The following SIPA1L2 variants were observed in gnomAD, a reference collection of about 807,000 sequenced individuals.
SIPA1L2 encodes signal-induced proliferation-associated 1-like protein 2.
SIPA1L2 carries 56 observed loss-of-function variants against 163.9 expected under a neutral mutation model. The ratio of observed to expected loss-of-function variants is 0.34; its 90% CI spans 0.28 to 0.43. The LOEUF is 0.43. SIPA1L2 is among the 20% of genes least tolerant of loss of function. SIPA1L2 has a pLI of 1.00. For synonymous variants in SIPA1L2, 877 were observed against 865.7 expected (o/e 1.01, Z -0.23); for missense variants, 1,974 against 2,193.5 (o/e 0.90, Z 2.00).
At chr1:232,438,771 G>C (rs1412830450) in intron 15 of SIPA1L2, among the ~76,000 whole-genome samples, 1 of 152,184 alleles carries the variant, frequency 6.6e-6, no homozygotes. Context: ...CTGAAGATTA[G>C]TGAGTGCCAC....
intron 1 of SIPA1L2, among the ~76,000 whole-genome samples, chr1:232,598,166 C>T (rs1347827079): frequency 6.6e-6 from 1 of 151,454 alleles, no homozygotes; most frequent in East Asian, 2.0e-4. Flanking sequence ...CTTTGGGAGG[C>T]CAAGACAGGA....
At chr1:232,454,012 GTGACAGGGGTAAT>G (rs2102897535) in intron 10 of SIPA1L2, among the ~76,000 whole-genome samples, 1 of 152,086 alleles carries the variant, frequency 6.6e-6, no homozygotes, top group South Asian at 2.1e-4. Context: ...ATCCAACAAG[GTGACAGGGGTAAT>G]TGATGCTCAT....
intron 22 of SIPA1L2, among the ~76,000 whole-genome samples, chr1:232,402,080 G>T (rs1300128665): frequency 6.6e-6 from 1 of 152,158 alleles, no homozygotes. Context: ...ATACAGAGTT[G>T]GCGCAACTGA....
At chr1:232,522,735 A>C (rs1401272049) in intron 2 of SIPA1L2, among the ~76,000 whole-genome samples, 2 of 152,170 alleles carry the variant, frequency 1.3e-5, no homozygotes, top group East Asian at 1.9e-4. Flanking sequence ...ATTTCAAAGG[A>C]TTATTCTAAA....
intron 1 of SIPA1L2, among the ~76,000 whole-genome samples, chr1:232,616,467 T>C (rs1662502227): frequency 6.6e-6 from 1 of 152,240 alleles, no homozygotes; most frequent in African/African-American, 2.4e-5. Flanking sequence ...GCCAGCCCTT[T>C]AGGTGATGCA....
Position 232,445,624 on chromosome 1 carries a change from C to T in SIPA1L2, c.3258G>A (p.Thr1086=), listed in dbSNP as rs749758491. ...PLSRASPIPG[T]PDRLPCQQLL... is the part of the protein sequence containing the mutation. ...GCTGTTGGCACGGCAGCCGGTCGGG[C>T]GTGCCGGGGATGGGGGAAGCTCTAG... The change falls in exon 11 of 23, where the codon ACG becomes ACA. Residue 1086 remains threonine, a synonymous_variant. Coordinates refer to ENST00000674635, the MANE Select transcript of SIPA1L2 (RefSeq NM_020808.5). The T allele has an allele frequency of 1.9e-5, 31 of 1,613,738 alleles. No homozygotes were observed. Among genetic ancestry groups the T allele is most frequent in the Non-Finnish European group, 2.5e-5 (29 of 1,179,984 alleles).
chr1:232,403,838 C>A (rs1172378987), intron 20 of SIPA1L2, among the ~76,000 whole-genome samples: 4 of 152,166 alleles, frequency 2.6e-5, no homozygotes, highest in Non-Finnish European at 5.9e-5. Flanking sequence ...TTTGCTACAG[C>A]CAATTTGCTT....
At chr1:232,501,050 A>ATGTTTTTTTTT (rs1553301417) in intron 3 of SIPA1L2, among the ~76,000 whole-genome samples, 1 of 78,450 alleles carries the variant, frequency 1.3e-5, no homozygotes, top group Non-Finnish European at 2.3e-5. Context: ...GCAATGAAGT[A>ATGTTTTTTTTT]TTTTTTTTTT....
intron 3 of SIPA1L2, among the ~76,000 whole-genome samples, chr1:232,513,100 T>C (rs1667057591): frequency 2.6e-5 from 4 of 152,212 alleles, no homozygotes; most frequent in African/African-American, 9.6e-5. Flanking sequence ...TTCCTCGGCA[T>C]GTGTTACTGA....
Position 232,416,431 on chromosome 1 carries a change from C to T in SIPA1L2, c.4631-806G>A, listed in dbSNP as rs144660347. 2.1e-3 allele frequency among the ~76,000 whole-genome samples: 324 copies of T among 152,310 alleles called. 2 individuals are homozygous for T. The highest frequency in any genetic ancestry group is 4.8e-3 in the Admixed American group (73 of 15,296). Reference sequence around the variant, plus strand: ...GCCTCTGTACACTATTGTAATTTCGCGGTTTTCTTCCAGGGGGCTTCTTTT... The same window carrying T: ...GCCTCTGTACACTATTGTAATTTCGTGGTTTTCTTCCAGGGGGCTTCTTTT... On this transcript the variant is annotated intron_variant, in intron 18 of 22. Transcript: ENST00000674635.
At chr1:232,548,358 A>C (rs1292493504) in intron 2 of SIPA1L2, among the ~76,000 whole-genome samples, 2 of 152,128 alleles carry the variant, frequency 1.3e-5, no homozygotes, top group African/African-American at 4.8e-5. Flanking sequence ...GACTATAAAC[A>C]ACCTCATTCG....
intron 18 of SIPA1L2, among the ~76,000 whole-genome samples, chr1:232,417,371 T>C (rs1179517141): frequency 1.3e-5 from 2 of 152,170 alleles, no homozygotes; most frequent in East Asian, 3.9e-4. Flanking sequence ...AACCCAGTAA[T>C]GGATATATTG....
At chr1:232,536,538 G>A (rs550257324) in intron 2 of SIPA1L2, among the ~76,000 whole-genome samples, 12 of 152,294 alleles carry the variant, frequency 7.9e-5, no homozygotes, top group African/African-American at 2.4e-4. Context: ...CAGGGACTGA[G>A]AGAAATCAGC....
intron 1 of SIPA1L2, among the ~76,000 whole-genome samples, 142 bp downstream of exon 1, chr1:232,629,727 C>A (rs1156302487): frequency 6.6e-6 from 1 of 152,022 alleles, no homozygotes; most frequent in Non-Finnish European, 1.5e-5. Context: ...CGCACCCCCG[C>A]GCCCCTCGCA....
At position 232,439,507 on chromosome 1, in the gene SIPA1L2, A is replaced by C. The variant is rs770666633; in HGVS notation, c.3643-11T>G. 6.2e-7 allele frequency: 1 copy of C among 1,606,200 alleles called. No individual in the cohort carries two copies. The highest frequency in any genetic ancestry group is 8.5e-7 in the Non-Finnish European group (1 of 1,175,014). ...ACTTTTATCCCCAATCTTCAGAAGA[A>C]AGAGGAACAGAGAGTTCTCAAGTGA... is the stretch of plus-strand genomic sequence containing the variant. On this transcript the variant is annotated splice_polypyrimidine_tract_variant and intron_variant, in intron 14 of 22. Transcript: ENST00000674635.
chr1:232,539,704 TC>T (rs1657527348), intron 2 of SIPA1L2, among the ~76,000 whole-genome samples: 1 of 152,118 alleles, frequency 6.6e-6, no homozygotes, highest in East Asian at 1.9e-4. Context: ...AGGCCCACCC[TC>T]CAGAACCAGC....
intron 2 of SIPA1L2, among the ~76,000 whole-genome samples, chr1:232,532,992 A>T (rs1657070469): frequency 6.6e-6 from 1 of 152,210 alleles, no homozygotes; most frequent in Non-Finnish European, 1.5e-5. Context: ...AGCTGTACAG[A>T]TCTTTAAATC....
intron 1 of SIPA1L2, among the ~76,000 whole-genome samples, chr1:232,590,211 C>T (rs1416729534): frequency 6.6e-6 from 1 of 152,204 alleles, no homozygotes; most frequent in Non-Finnish European, 1.5e-5. Flanking sequence ...TCTCTCACCT[C>T]CACCTCCAGG....
chr1:232,595,068 G>C (rs570639632), intron 1 of SIPA1L2, among the ~76,000 whole-genome samples: 1 of 152,282 alleles, frequency 6.6e-6, no homozygotes, highest in Admixed American at 6.5e-5. Context: ...GGAGGAACAG[G>C]AACAGCTACA....
Sources: gnomAD v4.1 joint callset for allele counts (sites outside exome capture counted in the v4.1 genomes callset) on GRCh38, gnomAD v4.1.1 for gene constraint, MANE v1.5 for transcripts, NCBI Gene and HGNC (gene_info 2026-07-23, HGNC 2026-07-21) for gene names.